TMEM181: variants seen among roughly 807,000 people sequenced by gnomAD.
TMEM181 encodes the protein G protein-coupled receptor 178.
Under a neutral mutation model 71.9 loss-of-function variants are expected in TMEM181, and 39 were observed. That is an observed-to-expected ratio of 0.54 (90% CI 0.42 to 0.71). The LOEUF is 0.71. Among genes scored for constraint, TMEM181 ranks in the 30% least tolerant of loss-of-function variants. TMEM181 has a pLI of 0.00. For synonymous variants in TMEM181, 245 were observed against 228.8 expected, an observed-to-expected ratio of 1.07 and a Z score of -0.64; for missense variants, 595 against 583.0, an observed-to-expected ratio of 1.02 and a Z score of -0.21.
chr6:158,627,310 A>C (rs1434944024), intron 13 of TMEM181, among the ~76,000 whole-genome samples: 2 of 152,212 alleles, frequency 1.3e-5, no homozygotes, highest in Non-Finnish European at 1.5e-5. Flanking sequence ...CTCTCTTCAC[A>C]TAGGTGTTAG....
chr6:158,544,182 A>AGAGAGAGTGTGTGTGTGTATGTGTGT (rs149735409), intron 1 of TMEM181, among the ~76,000 whole-genome samples: 1 of 127,562 alleles, frequency 7.8e-6, no homozygotes, highest in African/African-American at 3.0e-5. Flanking sequence ...AATTGGAGAG[A>AGAGAGAGTGTGTGTGTGTATGTGTGT]GTGTGTGTGT....
chr6:158,543,847 T>G (rs1781435549), intron 1 of TMEM181, among the ~76,000 whole-genome samples: 1 of 152,180 alleles, frequency 6.6e-6, no homozygotes, highest in South Asian at 2.1e-4. Context: ...ATAACAGGCT[T>G]TCCTTGAAAA....
At chr6:158,547,017 C>A (rs1781547497) in intron 1 of TMEM181, among the ~76,000 whole-genome samples, 1 of 152,086 alleles carries the variant, frequency 6.6e-6, no homozygotes, top group African/African-American at 2.4e-5. Context: ...CGCAGTGGCA[C>A]ACGCCTGTAA....
At chr6:158,600,962 T>C (rs1015727234) in intron 6 of TMEM181, among the ~76,000 whole-genome samples, 5 of 152,196 alleles carry the variant, frequency 3.3e-5, no homozygotes, top group African/African-American at 4.8e-5. Context: ...TTTTTTCTGA[T>C]GGTAGCAATT....
At chr6:158,569,351 C>G (rs532566984) in intron 1 of TMEM181, among the ~76,000 whole-genome samples, 10 of 152,228 alleles carry the variant, frequency 6.6e-5, no homozygotes, top group Non-Finnish European at 1.5e-4. Context: ...CGCCCACCCT[C>G]TCACCCACGA....
intron 6 of TMEM181, among the ~76,000 whole-genome samples, chr6:158,602,927 A>G (rs1448836414): frequency 1.3e-5 from 2 of 151,866 alleles, no homozygotes; most frequent in Non-Finnish European, 2.9e-5. Flanking sequence ...TCCGGCTTGC[A>G]TTTTTCTGAC....
chr6:158,603,796 C>T (rs1213803146), intron 6 of TMEM181, among the ~76,000 whole-genome samples: 1 of 151,872 alleles, frequency 6.6e-6, no homozygotes, highest in Non-Finnish European at 1.5e-5. Flanking sequence ...TTTTTTTCCT[C>T]ATATGGTTTG....
At chr6:158,567,676 T>G (rs1782586272) in intron 1 of TMEM181, among the ~76,000 whole-genome samples, 1 of 152,188 alleles carries the variant, frequency 6.6e-6, no homozygotes, top group Non-Finnish European at 1.5e-5. Flanking sequence ...TTGGGCAGCA[T>G]CATAGAATTG....
At chr6:158,595,087 A>G (rs1402470145) in intron 6 of TMEM181, among the ~76,000 whole-genome samples, 1 of 152,066 alleles carries the variant, frequency 6.6e-6, no homozygotes, top group East Asian at 1.9e-4. Context: ...GATGCATTGC[A>G]TTTTTCTCTT....
At chr6:158,548,814 C>T (rs931456048) in intron 1 of TMEM181, among the ~76,000 whole-genome samples, 5 of 152,196 alleles carry the variant, frequency 3.3e-5, no homozygotes, top group Admixed American at 6.5e-5. Flanking sequence ...GATGGAGAGG[C>T]GCTGCTCAAA....
At chr6:158,589,413 G>T (rs1783975313) in intron 5 of TMEM181, among the ~76,000 whole-genome samples, 1 of 152,190 alleles carries the variant, frequency 6.6e-6, no homozygotes, top group East Asian at 1.9e-4. Flanking sequence ...TTCTTACACG[G>T]TGACTTATTT....
intron 6 of TMEM181, among the ~76,000 whole-genome samples, chr6:158,601,702 T>G (rs1053477357): frequency 6.8e-6 from 1 of 146,958 alleles, no homozygotes; most frequent in African/African-American, 2.6e-5. Flanking sequence ...GAGGTTGCAG[T>G]GAGCCGAGAT....
At position 158,625,764 on chromosome 6, in the gene TMEM181, CCTT is replaced by C; in HGVS notation, c.1109+11_1109+13del. 1 of 1,606,716 alleles carries C rather than the reference CCTT, an allele frequency of 6.2e-7. No individual in the cohort carries two copies. Among genetic ancestry groups the C allele is most frequent in the South Asian group, 1.1e-5 (1 of 88,682 alleles). The stretch of plus-strand genomic sequence containing the variant: ...TAGTACTTGTCATTAGGTAAGAAGA[CCTT>C]ATTTCTTGAAAACAGCAAAACGGAA... On this transcript the variant is annotated intron_variant, in intron 13 of 16. Transcript: ENST00000684151.
At chr6:158,629,956 G>A in intron 15 of TMEM181, 137 bp downstream of exon 15, 1 of 745,210 alleles carries the variant, frequency 1.3e-6, no homozygotes, top group East Asian at 2.6e-5. Context: ...GAGAGAGAGT[G>A]AGTTGAAATG....
At position 158,632,093 on chromosome 6, in the gene TMEM181, G is replaced by A; in HGVS notation, c.*205G>A. On this transcript the variant is annotated 3_prime_UTR_variant, in exon 17 of 17. Transcript: ENST00000684151. ...TATTGTCATGGTGGCTACGAGAAGAGGCATTGATAACAAGTTTCAACAGCC... is the reference window on the plus strand; with the variant it reads ...TATTGTCATGGTGGCTACGAGAAGAAGCATTGATAACAAGTTTCAACAGCC... The A allele has an allele frequency of 5.4e-6, 3 of 553,628 alleles. No individual in the cohort carries two copies. The South Asian group carries it at 7.3e-5, about 13-fold the overall frequency. The allele number at this position is 553,628 out of a possible 1,614,324, so 34.3% of individuals were successfully genotyped here.
intron 10 of TMEM181, among the ~76,000 whole-genome samples, chr6:158,612,441 G>A (rs377240860): frequency 7.2e-5 from 11 of 152,194 alleles, no homozygotes; most frequent in African/African-American, 2.7e-4. Context: ...TTGGATAGTT[G>A]TCTGTGAAAT....
intron 15 of TMEM181, 21 bp from the exon 16 acceptor site, chr6:158,631,302 A>C (rs755430569): frequency 3.1e-6 from 5 of 1,613,946 alleles, no homozygotes; most frequent in South Asian, 1.1e-5. Flanking sequence ...TTGAGATGCA[A>C]ATGCTCTTGT....
chr6:158,575,779 C>T (rs1783120707), intron 2 of TMEM181, among the ~76,000 whole-genome samples: 1 of 152,216 alleles, frequency 6.6e-6, no homozygotes, highest in Non-Finnish European at 1.5e-5. Flanking sequence ...TCCCAGCATT[C>T]CTAAATGCAT....
intron 1 of TMEM181, among the ~76,000 whole-genome samples, chr6:158,543,312 G>A (rs939300797): frequency 6.6e-6 from 1 of 152,248 alleles, no homozygotes; most frequent in Admixed American, 6.5e-5. Flanking sequence ...GGATGACGCA[G>A]TTCTGGCAAC....
Sources: gnomAD v4.1 joint callset for allele counts (sites outside exome capture counted in the v4.1 genomes callset) on GRCh38, gnomAD v4.1.1 for gene constraint, MANE v1.5 for transcripts, NCBI Gene and HGNC (gene_info 2026-07-23, HGNC 2026-07-21) for gene names.